Variants in ZDHHC14 observed in about 807,000 individuals in gnomAD.
ZDHHC14 encodes zDHHC palmitoyltransferase 14, also known as palmitoyltransferase ZDHHC14.
A neutral mutation model predicts 47.7 loss-of-function variants in ZDHHC14; 16 were observed. The observed-to-expected ratio is 0.34, with a 90% CI of 0.23 to 0.51. The LOEUF (loss-of-function observed/expected upper bound fraction) is 0.51, where lower values mean the gene tolerates loss of function less well. ZDHHC14 is among the 20% of genes least tolerant of loss of function. ZDHHC14 has a pLI of 0.97. For synonymous variants in ZDHHC14, 293 were observed against 278.9 expected, an observed-to-expected ratio of 1.05 and a Z score of -0.50; for missense variants, 515 against 662.5, an observed-to-expected ratio of 0.78 and a Z score of 2.44.
chr6:157,664,560 C>T (rs919321948), intron 8 of ZDHHC14, among the ~76,000 whole-genome samples: 1 of 152,142 alleles, frequency 6.6e-6, no homozygotes, highest in Non-Finnish European at 1.5e-5. Flanking sequence ...TGTTGGAACT[C>T]AACCTCCAAA....
At chr6:157,519,798 A>G (rs1473391642) in intron 1 of ZDHHC14, among the ~76,000 whole-genome samples, 1 of 152,212 alleles carries the variant, frequency 6.6e-6, no homozygotes, top group East Asian at 1.9e-4. Flanking sequence ...AGCATCTGAC[A>G]GGAGCCCGTG....
intron 1 of ZDHHC14, among the ~76,000 whole-genome samples, chr6:157,444,912 G>A (rs1046228370): frequency 1.3e-5 from 2 of 152,124 alleles, no homozygotes; most frequent in Non-Finnish European, 2.9e-5. Flanking sequence ...GAGCATCAAT[G>A]TACTGATCAA....
At chr6:157,425,635 A>G (rs569269866) in intron 1 of ZDHHC14, among the ~76,000 whole-genome samples, 3 of 152,262 alleles carry the variant, frequency 2.0e-5, no homozygotes, top group Non-Finnish European at 4.4e-5. Flanking sequence ...AGCATTTTTG[A>G]AGAGGGATCT....
chr6:157,414,277 G>A (rs1344292116), intron 1 of ZDHHC14, among the ~76,000 whole-genome samples: 1 of 152,082 alleles, frequency 6.6e-6, no homozygotes. Context: ...GCATGCCCAC[G>A]GCGAACTCCC....
chr6:157,545,657 G>C (rs1012700274), intron 2 of ZDHHC14, among the ~76,000 whole-genome samples: 1 of 151,918 alleles, frequency 6.6e-6, no homozygotes, highest in Admixed American at 6.6e-5. Flanking sequence ...CTGGGCGACA[G>C]GGGAGACTCC....
intron 1 of ZDHHC14, among the ~76,000 whole-genome samples, chr6:157,509,818 G>C (rs997631349): frequency 6.6e-6 from 1 of 152,182 alleles, no homozygotes; most frequent in Non-Finnish European, 1.5e-5. Context: ...GAATTGAAAA[G>C]GAAGGCATGC....
intron 1 of ZDHHC14, among the ~76,000 whole-genome samples, chr6:157,453,735 C>T (rs918401635): frequency 6.6e-6 from 1 of 151,258 alleles, no homozygotes; most frequent in African/African-American, 2.5e-5. Context: ...CTACCTGGTC[C>T]ACCTGAACTT....
At chr6:157,620,867 A>G (rs936317055) in intron 3 of ZDHHC14, among the ~76,000 whole-genome samples, 5 of 152,230 alleles carry the variant, frequency 3.3e-5, no homozygotes, top group Non-Finnish European at 7.3e-5. Context: ...TGTGGGTTCC[A>G]ATGCTGACTC....
At chr6:157,438,625 G>A (rs1478665796) in intron 1 of ZDHHC14, among the ~76,000 whole-genome samples, 4 of 152,164 alleles carry the variant, frequency 2.6e-5, no homozygotes, top group Non-Finnish European at 4.4e-5. Context: ...AACATTGTTC[G>A]TACAAGACGC....
intron 1 of ZDHHC14, among the ~76,000 whole-genome samples, chr6:157,411,947 T>A (rs1006523971): frequency 6.8e-6 from 1 of 147,564 alleles, no homozygotes; most frequent in Non-Finnish European, 1.5e-5. Flanking sequence ...ATTTTATTTC[T>A]TTTTTTTTTG....
rs1488948639 is a variant in ZDHHC14 at position 157,677,514 on chromosome 6, T to C, written c.*4392T>C. 4.6e-5 allele frequency: 7 copies of C among 152,124 alleles called. No homozygotes were observed. Among genetic ancestry groups the C allele is most frequent in the African/African-American group, 1.7e-4 (7 of 41,396 alleles). 9.4% of individuals were successfully genotyped at this position (152,124 alleles called of 1,614,324 possible). ...TAAAAGTAGTTGGGAGATTGAAGAT[T>C]AGATGGTTTCTGGAGCAACCGAATT... is the stretch of plus-strand genomic sequence containing the variant. On this transcript the variant is annotated 3_prime_UTR_variant, in exon 9 of 9. Transcript: ENST00000359775.
chr6:157,513,229 A>G (rs1780559103), intron 1 of ZDHHC14, among the ~76,000 whole-genome samples: 1 of 152,230 alleles, frequency 6.6e-6, no homozygotes, highest in African/African-American at 2.4e-5. Context: ...GATGAAAACA[A>G]AATTGACTGT....
rs1443478586 is a variant in ZDHHC14, at chr6:157,481,824, A to ATCTATCTG, written c.246-60756_246-60749dup. ...TGCTTAGAATTGTTTCTTTCTATCTATCTATCTGTCTACCTACCTACCTAC... is the reference window on the plus strand; with the variant it reads ...TGCTTAGAATTGTTTCTTTCTATCTATCTATCTGTCTATCTGTCTACCTACCTACCTAC... On this transcript the variant is annotated intron_variant, in intron 1 of 8. Coordinates refer to ENST00000359775, the MANE Select transcript of ZDHHC14 (RefSeq NM_024630.3). Among the ~76,000 whole-genome samples the ATCTATCTG allele has an allele frequency of 2.0e-5, 3 of 152,234 alleles. No homozygotes were observed. The East Asian group carries it at 5.8e-4, about 29-fold the overall frequency.
At chr6:157,385,737 T>G (rs1369157786) in intron 1 of ZDHHC14, among the ~76,000 whole-genome samples, 1 of 152,256 alleles carries the variant, frequency 6.6e-6, no homozygotes, top group Non-Finnish European at 1.5e-5. Context: ...GCACAGCTAA[T>G]TAGTGGGAAG....
chr6:157,611,383 G>T (rs577740853), intron 3 of ZDHHC14, among the ~76,000 whole-genome samples: 1 of 152,262 alleles, frequency 6.6e-6, no homozygotes, highest in South Asian at 2.1e-4. Flanking sequence ...AAGGTATCAC[G>T]TCTTTTTTAT....
chr6:157,484,229 G>T (rs1259331644), intron 1 of ZDHHC14, among the ~76,000 whole-genome samples: 3 of 149,178 alleles, frequency 2.0e-5, no homozygotes, highest in Non-Finnish European at 4.4e-5. Flanking sequence ...AATAATCTGT[G>T]TACCAAACTC....
chr6:157,654,794 G>A (rs1778011695), intron 8 of ZDHHC14, among the ~76,000 whole-genome samples: 1 of 151,284 alleles, frequency 6.6e-6, no homozygotes, highest in Admixed American at 6.6e-5. Flanking sequence ...GGAGTGCAGT[G>A]GCATGATGTC....
chr6:157,571,350 AG>A (rs1783090020), intron 2 of ZDHHC14, among the ~76,000 whole-genome samples: 1 of 152,238 alleles, frequency 6.6e-6, no homozygotes, highest in African/African-American at 2.4e-5. Flanking sequence ...GGCAAGGGAC[AG>A]ACATGTTGGG....
chr6:157,414,746 T>C (rs1014992228), intron 1 of ZDHHC14, among the ~76,000 whole-genome samples: 3 of 152,158 alleles, frequency 2.0e-5, no homozygotes, highest in Non-Finnish European at 4.4e-5. Context: ...TTTGTGTTTT[T>C]TCCTGACAGA....
Sources: gnomAD v4.1 joint callset for allele counts (sites outside exome capture counted in the v4.1 genomes callset) on GRCh38, gnomAD v4.1.1 for gene constraint, MANE v1.5 for transcripts, NCBI Gene and HGNC (gene_info 2026-07-23, HGNC 2026-07-21) for gene names.